DPP8: variants seen among roughly 807,000 people sequenced by gnomAD.
DPP8 encodes dipeptidyl peptidase 8.
Under a neutral mutation model 107.5 loss-of-function variants are expected in DPP8, and 31 were observed. The ratio of observed to expected loss-of-function variants is 0.29; its 90% confidence interval spans 0.22 to 0.39. The LOEUF (loss-of-function observed/expected upper bound fraction) is 0.39. Among genes scored for constraint, DPP8 ranks in the 10% least tolerant of loss-of-function variants. DPP8 has a pLI of 1.00. For synonymous variants in DPP8, 381 were observed against 356.6 expected (o/e 1.07, Z -0.77); for missense variants, 842 against 1,076.1 (o/e 0.78, Z 3.04).
At chr15:65,473,488 A>G (rs905534410) in intron 12 of DPP8, among the ~76,000 whole-genome samples, 17 of 151,838 alleles carry the variant, frequency 1.1e-4, no homozygotes, top group Non-Finnish European at 2.1e-4. Context: ...GACAATATAT[A>G]TGAGACCCTG....
intron 8 of DPP8, among the ~76,000 whole-genome samples, chr15:65,484,546 T>TA (rs565653025): frequency 9.7e-4 from 147 of 151,416 alleles, no homozygotes; most frequent in African/African-American, 3.2e-3. Flanking sequence ...AAGCTGTTTT[T>TA]AAAAAAGTCT....
rs901533865 is a variant in DPP8, at chr15:65,452,452, C to CT, written c.2272-351dup. On this transcript the variant is annotated intron_variant, in intron 17 of 19. Transcript: ENST00000300141. ...CAGTTTTATGTAAAAAAGGAGCCAC[C>CT]TTTTTTTTTTAAGCCTCTGTTGGCA... Among the ~76,000 whole-genome samples the CT allele has an allele frequency of 3.5e-4, 52 of 147,442 alleles. No individual in the cohort carries two copies. In the East Asian group the frequency reaches 5.3e-3, roughly 15 times the overall value.
Position 65,466,722 on chromosome 15 carries a change from G to A in DPP8, c.1781C>T (p.Thr594Ile), listed in dbSNP as rs770623929. 9.3e-6 allele frequency: 15 copies of A among 1,613,972 alleles called. No homozygotes were observed. The highest frequency in any genetic ancestry group is 2.7e-5 in the African/African-American group (2 of 74,920). Residue 594 changes from threonine (T) to isoleucine (I), a missense_variant, in exon 14 of 20, where the codon ACT (threonine) becomes ATT (isoleucine). This residue lies in a region of DPP8 where 663 missense variants were observed against 758.0 expected (regional missense o/e 0.87). Coordinates refer to ENST00000300141, the MANE Select transcript of DPP8 (RefSeq NM_130434.5). ...GGCCCAAAATTCCTTTGTTTTGCAA[G>A]TTGGGTCATCTTCAGGACTTGATAG... ...YKLSSPEDDP[T>I]CKTKEFWATI...
At chr15:65,498,080 C>G in intron 4 of DPP8, 48 bp from the exon 5 acceptor site, 1 of 1,334,994 alleles carries the variant, frequency 7.5e-7, no homozygotes, top group Non-Finnish European at 1.0e-6. Flanking sequence ...CTGACACATA[C>G]ATGTTCCAGC....
intron 2 of DPP8, among the ~76,000 whole-genome samples, chr15:65,509,787 G>T (rs1160653060): frequency 6.6e-6 from 1 of 152,084 alleles, no homozygotes; most frequent in East Asian, 1.9e-4. Flanking sequence ...CTGGGAGGCT[G>T]AGGTGGGTAG....
chr15:65,515,960 A>G (rs2071395773), intron 1 of DPP8: 2 of 475,642 alleles, frequency 4.2e-6, no homozygotes, highest in African/African-American at 4.0e-5. Context: ...ATGTTATCAG[A>G]ATTCAAGAAT....
intron 1 of DPP8, chr15:65,515,974 T>C: frequency 2.1e-6 from 1 of 479,074 alleles, no homozygotes; most frequent in Non-Finnish European, 3.6e-6. Context: ...CAAGAATTAT[T>C]TTATTTCAGA....
chr15:65,508,948 G>C (rs1356595959), intron 2 of DPP8, among the ~76,000 whole-genome samples: 2 of 152,168 alleles, frequency 1.3e-5, no homozygotes, highest in African/African-American at 4.8e-5. Context: ...CTGGGTGAAA[G>C]AGATCCTCAA....
intron 5 of DPP8, among the ~76,000 whole-genome samples, chr15:65,497,444 A>C (rs766557837): frequency 2.6e-5 from 4 of 151,706 alleles, no homozygotes; most frequent in Non-Finnish European, 5.9e-5. Context: ...TTGTCAAACG[A>C]GGTGTCACCA....
intron 3 of DPP8, among the ~76,000 whole-genome samples, chr15:65,505,865 G>A (rs948405382): frequency 2.7e-5 from 4 of 149,896 alleles, no homozygotes; most frequent in African/African-American, 7.4e-5. Context: ...CAGGAGAATC[G>A]CTTGAATCTG....
In DPP8 at chr15:65,442,805, T is replaced by C. The variant is rs891109336; in HGVS notation, c.*4079A>G. The C allele has an allele frequency of 1.3e-5, 2 of 152,202 alleles. No individual in the cohort carries two copies. Among genetic ancestry groups the C allele is most frequent in the African/African-American group, 2.4e-5 (1 of 41,452 alleles). The allele number at this position is 152,202 out of a possible 1,614,324, so 9.4% of individuals were successfully genotyped here. A position where few individuals can be genotyped will look rare whatever the true frequency, so the allele number is the denominator to read the frequency against. ...GGACCTTGCACTAACATCTCTATATTTGAGGCTGGAAGATGGCTAGGTGAG... is the reference window on the plus strand; with the variant it reads ...GGACCTTGCACTAACATCTCTATATCTGAGGCTGGAAGATGGCTAGGTGAG... On this transcript the variant is annotated 3_prime_UTR_variant, in exon 20 of 20. Transcript: ENST00000300141.
chr15:65,448,280 T>C (rs2063617543), intron 19 of DPP8, among the ~76,000 whole-genome samples: 1 of 152,010 alleles, frequency 6.6e-6, no homozygotes, highest in Non-Finnish European at 1.5e-5. Flanking sequence ...CACCCTGCAA[T>C]CTTAGCACTT....
chr15:65,487,486 T>C (rs1260595443), intron 7 of DPP8, among the ~76,000 whole-genome samples: 1 of 152,176 alleles, frequency 6.6e-6, no homozygotes, highest in East Asian at 1.9e-4. Context: ...AGGAAACCAA[T>C]TGTGTAGACA....
Position 65,442,667 on chromosome 15 carries a change from C to A in DPP8, c.*4217G>T, listed in dbSNP as rs1485393740. On this transcript the variant is annotated 3_prime_UTR_variant, in exon 20 of 20. Transcript: ENST00000300141. ...TGTTCTAAAATTAAACACCTGAATT[C>A]CAATTTTGCTGAATACAATATAAAT... The A allele has an allele frequency of 6.6e-6, 1 of 152,126 alleles. No homozygotes were observed. The highest frequency in any genetic ancestry group is 1.9e-4 in the East Asian group (1 of 5,200). The allele number at this position is 152,126 out of a possible 1,614,324, so 9.4% of individuals were successfully genotyped here. A position where few individuals can be genotyped will look rare whatever the true frequency, so the allele number is the denominator to read the frequency against.
chr15:65,448,874 A>ATATGTGTATG (rs1555444643), intron 19 of DPP8, among the ~76,000 whole-genome samples: 1 of 12,052 alleles, frequency 8.3e-5, no homozygotes, highest in African/African-American at 4.5e-4. Flanking sequence ...AAATATATAT[A>ATATGTGTATG]TATATATATA....
At chr15:65,501,042 T>C (rs2069178666) in intron 3 of DPP8, among the ~76,000 whole-genome samples, 1 of 152,008 alleles carries the variant, frequency 6.6e-6, no homozygotes, top group Admixed American at 6.6e-5. Context: ...CACGCCCAGC[T>C]AATTTTTTGT....
At chr15:65,510,374 G>A (rs2070610530) in intron 2 of DPP8, among the ~76,000 whole-genome samples, 2 of 151,892 alleles carry the variant, frequency 1.3e-5, no homozygotes, top group Non-Finnish European at 2.9e-5. Flanking sequence ...ATCCCACAAA[G>A]GATTAATTCA....
intron 2 of DPP8, among the ~76,000 whole-genome samples, chr15:65,511,107 G>C (rs915139598): frequency 6.6e-6 from 1 of 152,036 alleles, no homozygotes; most frequent in Non-Finnish European, 1.5e-5. Flanking sequence ...TCCACTCTTA[G>C]GAATTAGTTC....
intron 15 of DPP8, among the ~76,000 whole-genome samples, chr15:65,460,795 A>G (rs1013550009): frequency 5.9e-5 from 9 of 152,318 alleles, no homozygotes; most frequent in South Asian, 2.1e-4. Context: ...CTATGGCTGT[A>G]TAAGTATCTG....
Sources: allele counts gnomAD v4.1 joint callset (sites outside exome capture counted in the v4.1 genomes callset), GRCh38; gene constraint gnomAD v4.1.1; regional missense constraint gnomAD v4.1.1; transcripts MANE v1.5; gene names NCBI Gene and HGNC (gene_info 2026-07-23, HGNC 2026-07-21).